The following LRFN5 variants were observed in gnomAD, a reference collection of about 807,000 sequenced individuals.
LRFN5 encodes the protein leucine rich repeat and fibronectin type III domain containing 5.
A neutral mutation model predicts 45.6 loss-of-function variants in LRFN5; 24 were observed. The ratio of observed to expected loss-of-function variants is 0.53; its 90% CI spans 0.38 to 0.74. The LOEUF is 0.74. Among genes scored for constraint, LRFN5 ranks in the 30% least tolerant of loss-of-function variants. The probability of loss-of-function intolerance (pLI) is 0.00; values close to 1 mark genes in which losing one functional copy is unlikely to be tolerated. For synonymous variants in LRFN5, 340 were observed against 313.8 expected (o/e 1.08, Z -0.88); for missense variants, 776 against 861.5 (o/e 0.90, Z 1.24).
intron 1 of LRFN5, among the ~76,000 whole-genome samples, chr14:41,685,990 T>A (rs894425602): frequency 1.3e-4 from 20 of 152,176 alleles, no homozygotes; most frequent in Non-Finnish European, 1.3e-4. Context: ...TAGTTTTTTC[T>A]AATTCTGTGA....
chr14:41,734,320 A>ATATATATATG lies in LRFN5; in HGVS notation c.-196-32525_-196-32524insGTATATATAT, dbSNP rs894579042. ...GCCACCTTTCCTGGACTGGTTTTAT[A>ATATATATATG]TATATATATATATATATATATATAT... is the stretch of plus-strand genomic sequence containing the variant. On this transcript the variant is annotated intron_variant, in intron 1 of 5. Transcript: ENST00000298119. 2.6e-4 allele frequency among the ~76,000 whole-genome samples: 17 copies of ATATATATATG among 66,284 alleles called. 2 individuals carry two copies. The highest frequency in any genetic ancestry group is 6.5e-4 in the African/African-American group (7 of 10,756). 43.5% of individuals were successfully genotyped at this position (66,284 alleles called of 152,430 possible). A position where few individuals can be genotyped will look rare whatever the true frequency, so the allele number is the denominator to read the frequency against.
At chr14:41,758,632 G>A (rs1206150417) in intron 1 of LRFN5, among the ~76,000 whole-genome samples, 1 of 152,120 alleles carries the variant, frequency 6.6e-6, no homozygotes, top group Non-Finnish European at 1.5e-5. Flanking sequence ...GGACAGCAGG[G>A]TTACGGTCTA....
intron 4 of LRFN5, among the ~76,000 whole-genome samples, chr14:41,898,630 G>A (rs997189244): frequency 6.6e-6 from 1 of 151,904 alleles, no homozygotes; most frequent in East Asian, 1.9e-4. Flanking sequence ...ACTCTGTCAC[G>A]AATACCAAAT....
At chr14:41,858,448 T>G (rs1181817716) in intron 2 of LRFN5, among the ~76,000 whole-genome samples, 1 of 152,116 alleles carries the variant, frequency 6.6e-6, no homozygotes. Context: ...CCAATAAGGA[T>G]TATGTTCTCA....
chr14:41,878,874 T>C (rs1224772635), intron 2 of LRFN5, among the ~76,000 whole-genome samples: 1 of 152,152 alleles, frequency 6.6e-6, no homozygotes, highest in Non-Finnish European at 1.5e-5. Context: ...TATGTGTTAA[T>C]ATAATAAATA....
chr14:41,725,748 GA>G (rs1163486736), intron 1 of LRFN5, among the ~76,000 whole-genome samples: 1 of 152,102 alleles, frequency 6.6e-6, no homozygotes, highest in African/African-American at 2.4e-5. Flanking sequence ...TTTACTTCAT[GA>G]AGTCTTTTAA....
At chr14:41,880,725 A>G (rs571500013) in intron 2 of LRFN5, among the ~76,000 whole-genome samples, 7 of 152,220 alleles carry the variant, frequency 4.6e-5, no homozygotes, top group South Asian at 4.1e-4. Context: ...GAAAGAGAAG[A>G]GTTCGTATCT....
intron 1 of LRFN5, among the ~76,000 whole-genome samples, chr14:41,644,588 G>T (rs1048476872): frequency 2.6e-5 from 4 of 151,580 alleles, no homozygotes; most frequent in East Asian, 1.9e-4. Flanking sequence ...TGTGTGTTTT[G>T]TGTGTGTGTG....
At chr14:41,832,855 AG>A (rs1888533585) in intron 2 of LRFN5, among the ~76,000 whole-genome samples, 1 of 152,146 alleles carries the variant, frequency 6.6e-6, no homozygotes, top group African/African-American at 2.4e-5. Context: ...CTAGTTTGTG[AG>A]CCCATTGTCA....
chr14:41,787,375 A>T (rs1886761080), intron 2 of LRFN5, among the ~76,000 whole-genome samples: 1 of 152,120 alleles, frequency 6.6e-6, no homozygotes, highest in Non-Finnish European at 1.5e-5. Context: ...CCTGTGCTGT[A>T]ATAAAACCTG....
chr14:41,789,743 C>T (rs1886851721), intron 2 of LRFN5, among the ~76,000 whole-genome samples: 1 of 151,848 alleles, frequency 6.6e-6, no homozygotes, highest in Non-Finnish European at 1.5e-5. Context: ...TTAATTTTCC[C>T]ATCATTTTTT....
intron 2 of LRFN5, among the ~76,000 whole-genome samples, chr14:41,796,379 C>T (rs544956049): frequency 5.5e-4 from 83 of 151,866 alleles, no homozygotes; most frequent in Middle Eastern, 3.4e-3. Flanking sequence ...CATGTGAATA[C>T]GCATGGTAGA....
chr14:41,698,072 A>C (rs1882690919), intron 1 of LRFN5, among the ~76,000 whole-genome samples: 1 of 151,918 alleles, frequency 6.6e-6, no homozygotes, highest in South Asian at 2.1e-4. Flanking sequence ...AGTTGTAAAC[A>C]TTTTGTTTTA....
chr14:41,731,844 G>A lies in LRFN5; in HGVS notation c.-196-35010G>A, dbSNP rs762617837. The A allele has an allele frequency of 5.3e-5, 8 of 152,136 alleles. No homozygotes were observed. In the South Asian group the frequency reaches 6.2e-4, roughly 12 times the overall value. 9.4% of individuals were successfully genotyped at this position (152,136 alleles called of 1,614,324 possible). A position where few individuals can be genotyped will look rare whatever the true frequency, so the allele number is the denominator to read the frequency against. Reference sequence around the variant, plus strand: ...AGGAATTAGGATATTCCAAATTGGTGGTGCAGATGCCTCACATATCCAAAA... The same window carrying A: ...AGGAATTAGGATATTCCAAATTGGTAGTGCAGATGCCTCACATATCCAAAA... On this transcript the variant is annotated intron_variant, in intron 1 of 5. Transcript: ENST00000298119.
intron 2 of LRFN5, among the ~76,000 whole-genome samples, chr14:41,795,529 A>G (rs919273674): frequency 1.3e-5 from 2 of 152,146 alleles, no homozygotes; most frequent in Admixed American, 6.6e-5. Flanking sequence ...ACCAACCCAA[A>G]TGTCCAAAAA....
chr14:41,676,252 A>G (rs1193383633), intron 1 of LRFN5, among the ~76,000 whole-genome samples: 1 of 152,228 alleles, frequency 6.6e-6, no homozygotes, highest in East Asian at 1.9e-4. Context: ...CAAGCTGAGA[A>G]GACCAGGGGC....
At chr14:41,703,661 T>C (rs1186979054) in intron 1 of LRFN5, among the ~76,000 whole-genome samples, 3 of 152,116 alleles carry the variant, frequency 2.0e-5, no homozygotes, top group African/African-American at 7.2e-5. Context: ...TTATAAATAA[T>C]TGCCTACAAT....
rs184300558 is a variant in LRFN5, at chr14:41,891,534, A to G, written c.1670A>G (p.Asn557Ser). The change falls in exon 4 of 6, where the codon AAT (asparagine) becomes AGT (serine). Residue 557 changes from asparagine (N) to serine (S), a missense_variant. Around this residue, in one of 2 missense-constraint regions of LRFN5, gnomAD observed 465 missense variants for 456.4 expected, o/e 1.02. Coordinates refer to ENST00000298119, the MANE Select transcript of LRFN5 (RefSeq NM_152447.5). Reference protein sequence around the residue: ...ILMIRYKVCNNNGQHKVTKVS... With the variant: ...ILMIRYKVCNSNGQHKVTKVS... ...ATGATCCGGTATAAGGTTTGCAACA[A>G]TAATGGGCAACACAAGGTCACCAAG... 6.2e-6 allele frequency: 10 copies of G among 1,614,220 alleles called. No individual in the cohort carries two copies. The East Asian group carries it at 1.6e-4, about 25-fold the overall frequency.
chr14:41,814,408 G>A (rs1887846221), intron 2 of LRFN5, among the ~76,000 whole-genome samples: 1 of 152,044 alleles, frequency 6.6e-6, no homozygotes, highest in African/African-American at 2.4e-5. Context: ...GTTTAATTAA[G>A]GTTTAATTAG....
Sources: gnomAD v4.1 joint callset for allele counts (sites outside exome capture counted in the v4.1 genomes callset) on GRCh38, gnomAD v4.1.1 for gene constraint, gnomAD v4.1.1 regional missense constraint, MANE v1.5 for transcripts, NCBI Gene and HGNC (gene_info 2026-07-23, HGNC 2026-07-21) for gene names.